Variants in DHRS12 observed in about 807,000 individuals in gnomAD.
DHRS12 encodes dehydrogenase/reductase SDR family member 12.
A neutral mutation model predicts 32.1 loss-of-function variants in DHRS12; 29 were observed. The ratio of observed to expected loss-of-function variants is 0.90; its 90% CI spans 0.67 to 1.23. DHRS12 has a LOEUF of 1.23. Among genes scored for constraint, DHRS12 ranks in the 50% most tolerant of loss-of-function variants. DHRS12 has a pLI of 0.00. For missense variants in DHRS12, 330 were observed against 337.2 expected (o/e 0.98, Z 0.17); for synonymous variants, 150 against 135.9 (o/e 1.10, Z -0.72).
intron 4 of DHRS12, among the ~76,000 whole-genome samples, chr13:51,784,173 A>G (rs529201839): frequency 6.6e-6 from 1 of 152,334 alleles, no homozygotes; most frequent in Admixed American, 6.5e-5. Context: ...GCGCCTCCTG[A>G]GAGCCAGGTG....
At chr13:51,759,458 C>A in the DHRS12 span, among the ~76,000 whole-genome samples, 4 of 152,222 alleles carry the variant, frequency 2.6e-5, no homozygotes, top group Admixed American at 2.0e-4. Context: ...ACAGGAGGAT[C>A]TGCAGTGTAG....
rs544929307 is a variant in DHRS12 at position 51,769,469 on chromosome 13, A to G, written c.560-176T>C. On this transcript the variant is annotated intron_variant, in intron 7 of 8. Transcript: ENST00000444610. ...AACCAGTTCCAAAGAACCTTGTTAC[A>G]AAGCCCCCAAGGTGTCACCTGATGG... is the stretch of plus-strand genomic sequence containing the variant. Among the ~76,000 whole-genome samples, 53 of 152,272 alleles carry G rather than the reference A, an allele frequency of 3.5e-4. 1 individual carries two copies. In the South Asian group the frequency reaches 0.011, roughly 32 times the overall value.
chr13:51,779,627 C>T (rs1252514114), intron 4 of DHRS12, among the ~76,000 whole-genome samples: 1 of 152,238 alleles, frequency 6.6e-6, no homozygotes, highest in Non-Finnish European at 1.5e-5. Flanking sequence ...CCATGGACAA[C>T]AGTCCCAGAG....
chr13:51,758,896 C>T, the DHRS12 span, among the ~76,000 whole-genome samples: 78 of 152,264 alleles, frequency 5.1e-4, no homozygotes, highest in African/African-American at 1.7e-3. Context: ...TTAAAATAAA[C>T]TCTGGGGCTG....
At chr13:51,787,698 A>C (rs1004902752) in intron 4 of DHRS12, among the ~76,000 whole-genome samples, 2 of 141,026 alleles carry the variant, frequency 1.4e-5, no homozygotes, top group South Asian at 4.2e-4. Context: ...GTATAAATAT[A>C]TATAAATATA....
At chr13:51,785,097 G>A (rs1038511074) in intron 4 of DHRS12, among the ~76,000 whole-genome samples, 10 of 152,202 alleles carry the variant, frequency 6.6e-5, no homozygotes, top group African/African-American at 1.9e-4. Flanking sequence ...ATGTGGTGGC[G>A]TGTACCTGTA....
At chr13:51,774,142 T>G (rs1954191672) in intron 5 of DHRS12, 108 bp from the exon 6 acceptor site, 1 of 937,146 alleles carries the variant, frequency 1.1e-6, no homozygotes. Context: ...ACCACAAAAT[T>G]AGTGGCTTGA....
intron 8 of DHRS12, 74 bp from the exon 9 acceptor site, chr13:51,768,370 A>T (rs1817781013): frequency 1.0e-5 from 16 of 1,529,570 alleles, no homozygotes; most frequent in Non-Finnish European, 1.4e-5. Flanking sequence ...TGTGCTGCTC[A>T]GGCCTTGAAC....
chr13:51,791,307 C>T (rs370727086), intron 2 of DHRS12, 50 bp from the exon 3 acceptor site: 140 of 1,077,684 alleles, frequency 1.3e-4, no homozygotes, highest in Non-Finnish European at 1.8e-4. Flanking sequence ...AAGATATAAA[C>T]TAGCACTTTT....
intron 4 of DHRS12, among the ~76,000 whole-genome samples, chr13:51,783,910 C>A (rs946227013): frequency 6.6e-6 from 1 of 152,208 alleles, no homozygotes; most frequent in African/African-American, 2.4e-5. Flanking sequence ...GGGCTGACTC[C>A]TGTTTGGGGC....
At chr13:51,756,611 C>T in the DHRS12 span, 2 of 1,373,960 alleles carry the variant, frequency 1.5e-6, no homozygotes, top group Non-Finnish European at 9.4e-7. Context: ...CTCTCCTTTG[C>T]CACCAAGAGA....
At chr13:51,802,286 T>G (rs1440083631) in intron 1 of DHRS12, among the ~76,000 whole-genome samples, 1 of 151,612 alleles carries the variant, frequency 6.6e-6, no homozygotes, top group Non-Finnish European at 1.5e-5. Flanking sequence ...CAAAGGGCAG[T>G]CCCCAGACAA....
downstream of DHRS12, chr13:51,766,745 C>G (rs980984709): frequency 1.3e-5 from 2 of 152,274 alleles, no homozygotes; most frequent in African/African-American, 4.8e-5. Context: ...GTACAACTCT[C>G]AATGCGGAGT....
the DHRS12 span, chr13:51,759,781 G>A: frequency 1.9e-6 from 3 of 1,613,378 alleles, no homozygotes; most frequent in Non-Finnish European, 2.5e-6. Context: ...GACTCTCCCA[G>A]GAATCAGAAA....
At chr13:51,787,842 TAATATATAATTATATATAATATATA>T (rs1297478830) in intron 4 of DHRS12, among the ~76,000 whole-genome samples, 55 of 125,534 alleles carry the variant, frequency 4.4e-4, no homozygotes, top group African/African-American at 6.1e-4. Flanking sequence ...TATAAACATA[TAATATATAATTATATATAATATATA>T]AATATATAAT....
intron 4 of DHRS12, among the ~76,000 whole-genome samples, chr13:51,780,245 T>G (rs771498734): frequency 6.6e-6 from 1 of 152,182 alleles, no homozygotes; most frequent in Non-Finnish European, 1.5e-5. Flanking sequence ...GGCATTGTTA[T>G]AAATGGTTAA....
chr13:51,755,388 CA>C, the DHRS12 span: 2 of 1,614,002 alleles, frequency 1.2e-6, no homozygotes, highest in African/African-American at 2.7e-5. Context: ...TGATTCCTGC[CA>C]AAAGTGTGAT....
At chr13:51,756,513 C>T in the DHRS12 span, 1 of 1,584,080 alleles carries the variant, frequency 6.3e-7, no homozygotes, top group Non-Finnish European at 8.6e-7. Flanking sequence ...AGAATTTAAT[C>T]TGAGCCTTGC....
chr13:51,770,947 ATCTT>A, intron 7 of DHRS12: 1 of 1,287,082 alleles, frequency 7.8e-7, no homozygotes, highest in Non-Finnish European at 9.9e-7. Context: ...TGTTTTCCCT[ATCTT>A]TATTTCTTAG....
Sources: gnomAD v4.1 joint callset for allele counts (sites outside exome capture counted in the v4.1 genomes callset) on GRCh38, gnomAD v4.1.1 for gene constraint, MANE v1.5 for transcripts, NCBI Gene and HGNC (gene_info 2026-07-23, HGNC 2026-07-21) for gene names.